The following PHF14 variants were observed in gnomAD, a reference collection of about 807,000 sequenced individuals.
The protein encoded by PHF14 is PHD finger protein 14.
PHF14 carries 55 observed loss-of-function variants against 117.9 expected under a neutral mutation model. The observed-to-expected ratio is 0.47, with a 90% CI of 0.38 to 0.58. PHF14 has a LOEUF of 0.58. Ranked by LOEUF, PHF14 falls within the 20% of genes least tolerant of loss-of-function variation. The pLI, the probability that PHF14 is intolerant of heterozygous loss-of-function variation, is 0.00. For missense variants in PHF14, 978 were observed against 1,122.2 expected (o/e 0.87, Z 1.84); for synonymous variants, 409 against 368.6 (o/e 1.11, Z -1.26).
chr7:10,974,882 C>G lies in PHF14; in HGVS notation c.49C>G (p.Leu17Val). Reference sequence around the variant, plus strand: ...GCAGGTGAAGCCTTTGGCAGCTTCTCTGCTGGAAGCTCTTGATTATGATAG... The same window carrying G: ...GCAGGTGAAGCCTTTGGCAGCTTCTGTGCTGGAAGCTCTTGATTATGATAG... Reference protein sequence around the residue: ...RRQVKPLAASLLEALDYDSSD... With the variant: ...RRQVKPLAASVLEALDYDSSD... Residue 17 changes from leucine to valine, a missense_variant, in exon 2 of 18, where the codon CTG (leucine) becomes GTG (valine). By Grantham distance (32) the Leu-to-Val change is conservative. Around this residue, in one of 7 missense-constraint regions of PHF14, gnomAD observed 414 missense variants for 376.4 expected, o/e 1.10. Coordinates refer to ENST00000634607, the MANE Select transcript of PHF14 (RefSeq NM_001007157.2). 1 of 1,595,626 alleles carries G rather than the reference C, an allele frequency of 6.3e-7. No homozygotes were observed. The highest frequency in any genetic ancestry group is 8.5e-7 in the Non-Finnish European group (1 of 1,170,130).
rs745368140 is a variant in PHF14, at chr7:11,038,859, A to T, written c.2076+4A>T. On this transcript the variant is annotated splice_donor_region_variant and intron_variant, in intron 11 of 17. Transcript: ENST00000634607. ...ACTAGGCAGAATCACAGGGCAGGTT[A>T]GTTTCTTTCCAATTGCTGTCTCCTT... is the stretch of plus-strand genomic sequence containing the variant. 10 of 1,464,614 alleles carry T rather than the reference A, an allele frequency of 6.8e-6. No individual in the cohort carries two copies. The highest frequency in any genetic ancestry group is 9.4e-6 in the Non-Finnish European group (10 of 1,068,212). 90.7% of individuals were successfully genotyped at this position (1,464,614 alleles called of 1,614,324 possible).
At chr7:11,060,930 A>G (rs1376869450) in intron 14 of PHF14, among the ~76,000 whole-genome samples, 1 of 152,068 alleles carries the variant, frequency 6.6e-6, no homozygotes, top group African/African-American at 2.4e-5. Context: ...ATTGAAATTA[A>G]TGTAAGAAAA....
chr7:11,104,404 C>G (rs181157208), intron 16 of PHF14: 1 of 949,680 alleles, frequency 1.1e-6, no homozygotes, highest in Non-Finnish European at 1.3e-6. Context: ...CTCTTAAATG[C>G]TCTCATATCC....
rs993492591 is a variant in PHF14 at position 11,054,506 on chromosome 7, A to G, written c.2481+2726A>G. 1.6e-4 allele frequency among the ~76,000 whole-genome samples: 24 copies of G among 152,194 alleles called. No homozygotes were observed. The Middle Eastern group carries it at 0.017, about 108-fold the overall frequency. On this transcript the variant is annotated intron_variant, in intron 14 of 17. Coordinates refer to ENST00000634607, the MANE Select transcript of PHF14 (RefSeq NM_001007157.2). ...GAGATACAGAAGGGAGTGATCAGTC[A>G]TTTTGGTCTTGATCTTACCATTTAT...
At chr7:11,021,470 A>G (rs1001831296) in intron 5 of PHF14, among the ~76,000 whole-genome samples, 14 of 152,188 alleles carry the variant, frequency 9.2e-5, no homozygotes, top group African/African-American at 1.7e-4. Context: ...GTATCCTCAC[A>G]TGAGTGGTTG....
At chr7:10,978,768 G>A (rs4720925) in intron 2 of PHF14, among the ~76,000 whole-genome samples, 22,373 of 151,928 alleles carry the variant, frequency 0.15, 1,910 homozygotes, top group East Asian at 0.23. Context: ...TTCCACTGTT[G>A]TGGCAACTAT....
chr7:11,030,429 G>A (rs980882196), intron 7 of PHF14, among the ~76,000 whole-genome samples: 27 of 152,082 alleles, frequency 1.8e-4, no homozygotes, highest in African/African-American at 6.3e-4. Flanking sequence ...CCTTTGCACA[G>A]CATCATATGT....
At chr7:10,986,684 G>A (rs1198601533) in intron 3 of PHF14, among the ~76,000 whole-genome samples, 9 of 152,078 alleles carry the variant, frequency 5.9e-5, no homozygotes, top group Admixed American at 1.3e-4. Context: ...TTTTTCAGCC[G>A]TTAATCTTGC....
chr7:11,014,191 C>G (rs546826853), intron 5 of PHF14, among the ~76,000 whole-genome samples: 4 of 151,904 alleles, frequency 2.6e-5, no homozygotes, highest in Non-Finnish European at 5.9e-5. Context: ...TGTATAGTAC[C>G]CAGGGCTCAG....
At chr7:11,043,518 C>G (rs952686454) in intron 13 of PHF14, among the ~76,000 whole-genome samples, 23 of 152,066 alleles carry the variant, frequency 1.5e-4, no homozygotes, top group African/African-American at 5.1e-4. Flanking sequence ...AGAGTGAACC[C>G]CAAATTTTTA....
intron 2 of PHF14, among the ~76,000 whole-genome samples, chr7:10,981,237 T>A (rs1232535581): frequency 1.3e-5 from 2 of 152,176 alleles, no homozygotes; most frequent in Non-Finnish European, 2.9e-5. Flanking sequence ...CTTTACTTTT[T>A]CCACCATTTT....
At chr7:11,096,693 A>T (rs920737167) in intron 16 of PHF14, among the ~76,000 whole-genome samples, 7 of 152,210 alleles carry the variant, frequency 4.6e-5, no homozygotes, top group African/African-American at 1.7e-4. Flanking sequence ...TAGACCTTTA[A>T]GAACTGTTTG....
chr7:11,145,464 A>G (rs1490590805), intron 17 of PHF14, among the ~76,000 whole-genome samples: 1 of 152,082 alleles, frequency 6.6e-6, no homozygotes, highest in East Asian at 1.9e-4. Context: ...GCAAATCTCC[A>G]AATTCATTAG....
intron 16 of PHF14, chr7:11,104,579 A>G: frequency 1.0e-6 from 1 of 983,782 alleles, no homozygotes. Flanking sequence ...CAGTAGGGAA[A>G]GGAAGAAACA....
chr7:11,042,617 C>G, intron 12 of PHF14, 66 bp from the exon 13 acceptor site: 1 of 1,107,056 alleles, frequency 9.0e-7, no homozygotes, highest in East Asian at 2.8e-5. Context: ...GAAAAATATG[C>G]TATAAGTAAA....
chr7:11,134,469 A>T (rs1390901547), intron 17 of PHF14, among the ~76,000 whole-genome samples: 1 of 152,072 alleles, frequency 6.6e-6, no homozygotes, highest in African/African-American at 2.4e-5. Flanking sequence ...TTTTAGATTT[A>T]AAAAGTTAAT....
At chr7:11,094,505 C>A (rs1321462571) in intron 16 of PHF14, among the ~76,000 whole-genome samples, 1 of 152,012 alleles carries the variant, frequency 6.6e-6, no homozygotes, top group Admixed American at 6.6e-5. Context: ...TATATCAGGC[C>A]CCTCTTCTCA....
intron 17 of PHF14, among the ~76,000 whole-genome samples, chr7:11,137,120 A>T (rs948829861): frequency 6.6e-6 from 1 of 152,236 alleles, no homozygotes; most frequent in Non-Finnish European, 1.5e-5. Context: ...TTTATTCTTA[A>T]GATTTAATCT....
At position 11,169,563 on chromosome 7, in the gene PHF14, T is replaced by A; in HGVS notation, c.*73T>A. On this transcript the variant is annotated 3_prime_UTR_variant, in exon 18 of 18. Coordinates refer to ENST00000634607, the MANE Select transcript of PHF14 (RefSeq NM_001007157.2). Reference sequence around the variant, plus strand: ...AGATAAAATTTCTAATTGTAAAATGTTAAATTGTAAAATCTAATTTGCAAA... The same window carrying A: ...AGATAAAATTTCTAATTGTAAAATGATAAATTGTAAAATCTAATTTGCAAA... 1 of 622,470 alleles carries A rather than the reference T, an allele frequency of 1.6e-6. No individual in the cohort carries two copies. Among genetic ancestry groups the A allele is most frequent in the East Asian group, 3.2e-5 (1 of 30,800 alleles). 38.6% of individuals were successfully genotyped at this position (622,470 alleles called of 1,614,324 possible). A position where few individuals can be genotyped will look rare whatever the true frequency, so the allele number is the denominator to read the frequency against.
Sources: allele counts gnomAD v4.1 joint callset (sites outside exome capture counted in the v4.1 genomes callset), GRCh38; gene constraint gnomAD v4.1.1; regional missense constraint gnomAD v4.1.1; transcripts MANE v1.5; gene names NCBI Gene and HGNC (gene_info 2026-07-23, HGNC 2026-07-21).